The following DAP3 variants were observed in gnomAD, a reference collection of about 807,000 sequenced individuals.
The protein encoded by DAP3 is small ribosomal subunit protein mS29.
DAP3 carries 28 observed loss-of-function variants against 51.9 expected under a neutral mutation model. The observed-to-expected ratio is 0.54, with a 90% confidence interval of 0.40 to 0.74. The LOEUF (loss-of-function observed/expected upper bound fraction) is 0.74, where lower values mean the gene tolerates loss of function less well. DAP3 is among the 30% of genes least tolerant of loss of function. The pLI, the probability that DAP3 is intolerant of heterozygous loss-of-function variation, is 0.00. For missense variants in DAP3, 458 were observed against 483.5 expected (o/e 0.95, Z 0.49); for synonymous variants, 170 against 170.3 (o/e 1.00, Z 0.01).
At chr1:155,689,991 C>G (rs539544097) in intron 1 of DAP3, among the ~76,000 whole-genome samples, 2 of 122,100 alleles carry the variant, frequency 1.6e-5, no homozygotes, top group South Asian at 2.1e-4. Context: ...AGAGTATTGC[C>G]GTGTTGTCAT....
intron 1 of DAP3, among the ~76,000 whole-genome samples, chr1:155,691,884 A>G (rs1653868318): frequency 7.1e-6 from 1 of 141,318 alleles, no homozygotes; most frequent in Non-Finnish European, 1.5e-5. Flanking sequence ...GGTGGCGACA[A>G]AGGAATGAGA....
chr1:155,701,630 A>T (rs1655286203), intron 1 of DAP3, among the ~76,000 whole-genome samples: 1 of 132,784 alleles, frequency 7.5e-6, no homozygotes, highest in African/African-American at 3.0e-5. Flanking sequence ...TTGTCCCATG[A>T]CCCTGCCAAA....
chr1:155,695,648 TATTTA>T lies in DAP3; in HGVS notation c.-8+6478_-8+6482del, dbSNP rs577802319. Among the ~76,000 whole-genome samples the T allele has an allele frequency of 1.9e-3, 285 of 152,358 alleles. 1 individual carries two copies. The highest frequency in any genetic ancestry group is 6.6e-3 in the African/African-American group (275 of 41,580). On this transcript the variant is annotated intron_variant, in intron 1 of 12. Transcript: ENST00000368336. Reference sequence around the variant, plus strand: ...TTGATAAAGCTGTTTATCAATAATATATTTAATTAAGGCAGTTTCAATATGCTGAG... The same window carrying T: ...TTGATAAAGCTGTTTATCAATAATATATTAAGGCAGTTTCAATATGCTGAG...
exon 13 of DAP3, chr1:155,739,007 T>TAAATAAATAAATAAATAAC (rs1280668139): frequency 9.4e-6 from 1 of 106,148 alleles, no homozygotes; most frequent in East Asian, 7.0e-4. Context: ...AAATAAATAA[T>TAAATAAATAAATAAATAAC]AAATGTATAC....
At chr1:155,726,266 A>G (rs1343207176) in intron 6 of DAP3, 1 of 263,420 alleles carries the variant, frequency 3.8e-6, no homozygotes, top group Non-Finnish European at 7.0e-6. Context: ...GGCGCCCACC[A>G]CACCACCACG....
intron 3 of DAP3, among the ~76,000 whole-genome samples, chr1:155,717,445 T>G (rs777917568): frequency 1.2e-4 from 18 of 152,318 alleles, no homozygotes; most frequent in South Asian, 2.1e-4. Flanking sequence ...ACTGGGCAAG[T>G]TTACCAATTA....
chr1:155,689,259 G>A (rs1371430895), intron 1 of DAP3, 85 bp downstream of exon 1: 18 of 669,984 alleles, frequency 2.7e-5, no homozygotes, highest in African/African-American at 5.3e-5. Context: ...GAGTGAGGCC[G>A]GTAGACCGGC....
At chr1:155,688,292 G>C (rs769324996), upstream of DAP3, 14 of 1,576,966 alleles carry the variant, frequency 8.9e-6, no homozygotes, top group Non-Finnish European at 1.2e-5. Flanking sequence ...CACTGGGATC[G>C]TTTCCCCTCG....
chr1:155,706,727 G>A (rs1325823300), intron 1 of DAP3, among the ~76,000 whole-genome samples: 1 of 151,872 alleles, frequency 6.6e-6, no homozygotes, highest in Non-Finnish European at 1.5e-5. Flanking sequence ...CAGCTTGGGT[G>A]ACAGAGCAAG....
chr1:155,716,528 G>A lies in DAP3; in HGVS notation c.46-478G>A, dbSNP rs536390610. ...GCGGAGCTTGCAGTGAGCCGAGATC[G>A]CGCCACTGCACTCCAGCCTGGGCGA... On this transcript the variant is annotated intron_variant, in intron 2 of 12. Transcript: ENST00000368336. Among the ~76,000 whole-genome samples the A allele has an allele frequency of 1.4e-4, 22 of 151,730 alleles. 1 individual carries two copies. In the East Asian group the frequency reaches 2.1e-3, roughly 15 times the overall value.
chr1:155,714,477 T>C (rs1657092630), intron 2 of DAP3, among the ~76,000 whole-genome samples: 1 of 152,154 alleles, frequency 6.6e-6, no homozygotes, highest in South Asian at 2.1e-4. Flanking sequence ...TAAAATGTTA[T>C]GTGTTGGCTG....
chr1:155,701,088 C>T (rs1655214210), intron 1 of DAP3, among the ~76,000 whole-genome samples: 1 of 130,994 alleles, frequency 7.6e-6, no homozygotes, highest in East Asian at 2.2e-4. Flanking sequence ...CCAGCCGCCC[C>T]GTCCGGGAGG....
intron 1 of DAP3, among the ~76,000 whole-genome samples, chr1:155,699,468 T>C (rs1209527321): frequency 6.6e-6 from 1 of 152,172 alleles, no homozygotes; most frequent in East Asian, 1.9e-4. Context: ...CAACTTATTG[T>C]CCCATATTTT....
At chr1:155,721,787 G>T (rs1360682466) in intron 4 of DAP3, 169 bp downstream of exon 4, 1 of 603,326 alleles carries the variant, frequency 1.7e-6, no homozygotes, top group Admixed American at 2.8e-5. Context: ...TTAAGCTCAT[G>T]TTTAAACAAT....
intron 1 of DAP3, chr1:155,689,462 A>G (rs1223348582): frequency 2.2e-6 from 1 of 460,630 alleles, no homozygotes; most frequent in African/African-American, 2.0e-5. Context: ...GCCTCGTTAG[A>G]CAGCCTGGTG....
At position 155,712,424 on chromosome 1, in the gene DAP3, C is replaced by T. The variant is rs547605745; in HGVS notation, c.45+2600C>T. On this transcript the variant is annotated intron_variant, in intron 2 of 12. Transcript: ENST00000368336. ...GGTCGGGAGTTCGAGACCAGCCAGA[C>T]CAACATGGAGAAACTCCGTCACTAC... 2.1e-4 allele frequency among the ~76,000 whole-genome samples: 32 copies of T among 152,140 alleles called. No individual in the cohort carries two copies. In the East Asian group the frequency reaches 5.6e-3, roughly 27 times the overall value.
chr1:155,712,230 C>T (rs531425813), intron 2 of DAP3, among the ~76,000 whole-genome samples: 2 of 152,270 alleles, frequency 1.3e-5, no homozygotes, highest in East Asian at 3.9e-4. Context: ...TGGAACTGTA[C>T]AGAGGCAATT....
At chr1:155,704,140 C>T (rs990273464) in intron 1 of DAP3, among the ~76,000 whole-genome samples, 9 of 152,104 alleles carry the variant, frequency 5.9e-5, no homozygotes, top group African/African-American at 1.4e-4. Context: ...GACTGAGACC[C>T]GATCTCACAA....
chr1:155,719,296 C>T (rs1242614139), intron 3 of DAP3, among the ~76,000 whole-genome samples: 19 of 149,436 alleles, frequency 1.3e-4, no homozygotes, highest in East Asian at 7.8e-4. Context: ...AGTGCAATGG[C>T]GCAGTCTCGT....
Sources: allele counts gnomAD v4.1 joint callset (sites outside exome capture counted in the v4.1 genomes callset), GRCh38; gene constraint gnomAD v4.1.1; transcripts MANE v1.5; gene names NCBI Gene and HGNC (gene_info 2026-07-23, HGNC 2026-07-21).